Variants in UBA6 observed in about 807,000 individuals in gnomAD.
UBA6 encodes the protein ubiquitin-like modifier-activating enzyme 6.
A neutral mutation model predicts 148.3 loss-of-function variants in UBA6; 87 were observed. The observed-to-expected ratio is 0.59, with a 90% CI of 0.49 to 0.70. The LOEUF (loss-of-function observed/expected upper bound fraction) is 0.70, where lower values mean the gene tolerates loss of function less well. Among genes scored for constraint, UBA6 ranks in the 30% least tolerant of loss-of-function variants. The pLI is 0.00. For missense variants in UBA6, 1,186 were observed against 1,241.2 expected (o/e 0.96, Z 0.67); for synonymous variants, 376 against 401.0 (o/e 0.94, Z 0.75).
chr4:67,676,007 T>C lies in UBA6; in HGVS notation c.465+1604A>G, dbSNP rs189132922. ...CTTTAGGGTATGGCCATTATGGCCA[T>C]TATAGTACTACCTTTTTTTTTTTTT... On this transcript the variant is annotated intron_variant, in intron 6 of 32. Transcript: ENST00000322244. Among the ~76,000 whole-genome samples the C allele has an allele frequency of 3.4e-3, 513 of 151,338 alleles. 3 individuals carry two copies. The highest frequency in any genetic ancestry group is 0.012 in the African/African-American group (494 of 41,260).
chr4:67,666,526 C>T (rs949908754), intron 9 of UBA6, among the ~76,000 whole-genome samples: 1 of 152,028 alleles, frequency 6.6e-6, no homozygotes, highest in Non-Finnish European at 1.5e-5. Context: ...TAAACATATA[C>T]ACACATATAT....
At chr4:67,627,599 C>G (rs1183889688) in intron 27 of UBA6, among the ~76,000 whole-genome samples, 2 of 151,892 alleles carry the variant, frequency 1.3e-5, no homozygotes, top group Non-Finnish European at 2.9e-5. Flanking sequence ...TTCTGTTTAT[C>G]CTCACCCTAT....
At chr4:67,682,311 G>A in intron 2 of UBA6, 98 bp from the exon 3 acceptor site, 1 of 826,848 alleles carries the variant, frequency 1.2e-6, no homozygotes, top group South Asian at 1.6e-5. Context: ...AACTCAATCC[G>A]GCCCACAGAC....
intron 17 of UBA6, among the ~76,000 whole-genome samples, chr4:67,641,839 G>A (rs967860910): frequency 3.9e-5 from 6 of 152,094 alleles, no homozygotes; most frequent in African/African-American, 1.2e-4. Flanking sequence ...TTGCAATCGT[G>A]TCCTTTAAGA....
At chr4:67,651,451 G>C (rs969594638) in intron 13 of UBA6, among the ~76,000 whole-genome samples, 9 of 152,046 alleles carry the variant, frequency 5.9e-5, no homozygotes, top group African/African-American at 1.9e-4. Flanking sequence ...TAAACACATA[G>C]GGCCTTAAAG....
chr4:67,675,399 T>C (rs1222705800), intron 6 of UBA6, among the ~76,000 whole-genome samples: 5 of 152,326 alleles, frequency 3.3e-5, no homozygotes, highest in African/African-American at 1.2e-4. Flanking sequence ...ACATCTGTAT[T>C]TTATAATCTT....
chr4:67,625,775 GGT>G (rs1347777623), intron 28 of UBA6, among the ~76,000 whole-genome samples: 2 of 151,716 alleles, frequency 1.3e-5, no homozygotes, highest in African/African-American at 2.4e-5. Context: ...ACTAAAAGAC[GGT>G]GAGCAGGTCA....
At chr4:67,700,435 T>C (rs1460574512) in intron 1 of UBA6, among the ~76,000 whole-genome samples, 1 of 152,178 alleles carries the variant, frequency 6.6e-6, no homozygotes, top group African/African-American at 2.4e-5. Flanking sequence ...GCACAAATAT[T>C]TTCCCCCTAA....
intron 13 of UBA6, among the ~76,000 whole-genome samples, chr4:67,652,929 C>T (rs1729588734): frequency 6.6e-6 from 1 of 152,334 alleles, no homozygotes; most frequent in African/African-American, 2.4e-5. Flanking sequence ...ACTGCTAGCG[C>T]AGCAGTCTGA....
At position 67,635,481 on chromosome 4, in the gene UBA6, G is replaced by T; in HGVS notation, c.1814C>A (p.Pro605Gln). Residue 605 changes from proline (P) to glutamine (Q), a missense_variant, in exon 20 of 33, where the codon CCG becomes CAG. By Grantham distance (76) the Pro-to-Gln change is moderately conservative. Coordinates refer to ENST00000322244, the MANE Select transcript of UBA6 (RefSeq NM_018227.6). The stretch of plus-strand genomic sequence containing the variant: ...ACTATTGTAAGACTCAGTCAAATGC[G>T]GTACAATAACTTCAGTGTGTCCCTT... ...GTKGHTEVIV[P>Q]HLTESYNSHR... 6.2e-7 allele frequency: 1 copy of T among 1,608,104 alleles called. No individual in the cohort carries two copies. Among genetic ancestry groups the T allele is most frequent in the Non-Finnish European group, 8.5e-7 (1 of 1,175,034 alleles).
At chr4:67,686,378 C>T (rs913299479) in intron 2 of UBA6, among the ~76,000 whole-genome samples, 4 of 152,204 alleles carry the variant, frequency 2.6e-5, no homozygotes, top group Non-Finnish European at 5.9e-5. Context: ...ACATTAATCA[C>T]TTTCTTCTGG....
In UBA6 at chr4:67,625,108, T is replaced by G. The variant is rs1728835730; in HGVS notation, c.2598A>C (p.Ser866=). Residue 866 remains serine, a synonymous_variant, in exon 29 of 33, where the codon TCA becomes TCC. Transcript: ENST00000322244. ...NGHIDFITAA[S]NLRAKMYSIE... ...TGCTGTACATTTTGGCACGAAGATT[T>G]GATGCAGCTGTGATGAAATCTATGT... The G allele has an allele frequency of 6.2e-7, 1 of 1,613,430 alleles. No homozygotes were observed. The highest frequency in any genetic ancestry group is 1.1e-5 in the South Asian group (1 of 91,042).
chr4:67,693,334 A>G (rs187805497), intron 2 of UBA6, among the ~76,000 whole-genome samples: 160 of 150,332 alleles, frequency 1.1e-3, no homozygotes, highest in African/African-American at 3.6e-3. Flanking sequence ...AATACTGTGT[A>G]TATATATATA....
intron 32 of UBA6, 59 bp downstream of exon 32, chr4:67,622,772 T>C (rs1206316524): frequency 1.0e-5 from 12 of 1,186,286 alleles, no homozygotes. Context: ...AATTTTTTAG[T>C]GTGCATCAAC....
chr4:67,668,566 T>G lies in UBA6; in HGVS notation c.778A>C (p.Ile260Leu), dbSNP rs556834835. The change falls in exon 9 of 33, where the codon ATA (isoleucine) becomes CTA (leucine). Residue 260 changes from isoleucine to leucine, a missense_variant. By Grantham distance (5) the Ile-to-Leu change is conservative. Transcript: ENST00000322244. ...INGMTGLNGSIQQITVISPFS... is the reference protein window; with the variant it reads ...INGMTGLNGSLQQITVISPFS... ...ATTGACTTACCCGTTATTTGTTGTATAGATCCATTTAAACCTGTCATTCCA... is the reference window on the plus strand; with the variant it reads ...ATTGACTTACCCGTTATTTGTTGTAGAGATCCATTTAAACCTGTCATTCCA... 1 of 1,612,038 alleles carries G rather than the reference T, an allele frequency of 6.2e-7. No individual in the cohort carries two copies.
At chr4:67,639,278 G>T (rs1729246090) in intron 18 of UBA6, among the ~76,000 whole-genome samples, 154 bp from the exon 19 acceptor site, 1 of 152,060 alleles carries the variant, frequency 6.6e-6, no homozygotes, top group Admixed American at 6.5e-5. Flanking sequence ...TTTTTGGCTT[G>T]TAGAAATTAC....
rs575030822 is a variant in UBA6, at chr4:67,662,738, T to C, written c.1037+401A>G. 187 of 174,926 alleles carry C rather than the reference T, an allele frequency of 1.1e-3. 1 individual carries two copies. Among genetic ancestry groups the C allele is most frequent in the Non-Finnish European group, 3.0e-4 (25 of 82,742 alleles). The allele number at this position is 174,926 out of a possible 1,614,324, so 10.8% of individuals were successfully genotyped here. On this transcript the variant is annotated intron_variant, in intron 12 of 32. Coordinates refer to ENST00000322244, the MANE Select transcript of UBA6 (RefSeq NM_018227.6). ...TCAGCCTCCCAAAGTCCTGGGATCATAGGCGTGAGCCACAACACCCAATCC... is the reference window on the plus strand; with the variant it reads ...TCAGCCTCCCAAAGTCCTGGGATCACAGGCGTGAGCCACAACACCCAATCC...
At chr4:67,663,278 C>T in intron 11 of UBA6, 63 bp from the exon 12 acceptor site, 1 of 1,049,596 alleles carries the variant, frequency 9.5e-7, no homozygotes, top group Non-Finnish European at 1.4e-6. Flanking sequence ...AGGCACTGGG[C>T]TAAATACTTT....
Position 67,613,725 on chromosome 4 carries a change from C to G in UBA6, c.*5272G>C, listed in dbSNP as rs1027831341. On this transcript the variant is annotated 3_prime_UTR_variant, in exon 33 of 33. Coordinates refer to ENST00000322244, the MANE Select transcript of UBA6 (RefSeq NM_018227.6). ...GATATTTTGTTATCTTGCCCAAATT[C>G]CTGTCTAAGGAGTCTGGGGAGTCAT... The G allele has an allele frequency of 6.6e-6, 1 of 152,148 alleles. No individual in the cohort carries two copies. The highest frequency in any genetic ancestry group is 2.4e-5 in the African/African-American group (1 of 41,440). 9.4% of individuals were successfully genotyped at this position (152,148 alleles called of 1,614,324 possible). A position where few individuals can be genotyped will look rare whatever the true frequency, so the allele number is the denominator to read the frequency against.
Sources: gnomAD v4.1 joint callset for allele counts (sites outside exome capture counted in the v4.1 genomes callset) on GRCh38, gnomAD v4.1.1 for gene constraint, MANE v1.5 for transcripts, NCBI Gene and HGNC (gene_info 2026-07-23, HGNC 2026-07-21) for gene names.